Variants in SYT14 observed in about 807,000 individuals in gnomAD.
SYT14 encodes synaptotagmin-14.
A neutral mutation model predicts 74.2 loss-of-function variants in SYT14; 32 were observed. The ratio of observed to expected loss-of-function variants is 0.43; its 90% CI spans 0.33 to 0.58. SYT14 has a LOEUF of 0.58. Ranked by LOEUF, SYT14 falls within the 20% of genes least tolerant of loss-of-function variation. SYT14 has a pLI of 0.05. For missense variants in SYT14, 791 were observed against 981.8 expected (o/e 0.81, Z 2.60); for synonymous variants, 298 against 337.7 (o/e 0.88, Z 1.29).
intron 3 of SYT14, among the ~76,000 whole-genome samples, chr1:210,014,193 T>A (rs1242333921): frequency 6.6e-6 from 1 of 152,140 alleles, no homozygotes; most frequent in Non-Finnish European, 1.5e-5. Flanking sequence ...TATTCACCCT[T>A]TTTCTTTACC....
At chr1:210,131,222 C>T (rs1467406086) in intron 7 of SYT14, among the ~76,000 whole-genome samples, 1 of 152,114 alleles carries the variant, frequency 6.6e-6, no homozygotes, top group Non-Finnish European at 1.5e-5. Context: ...ACCGCTGTGA[C>T]TGTCACCTTT....
intron 7 of SYT14, among the ~76,000 whole-genome samples, chr1:210,109,179 G>T (rs1401523498): frequency 6.6e-6 from 1 of 152,078 alleles, no homozygotes; most frequent in African/African-American, 2.4e-5. Flanking sequence ...CATTTACGTG[G>T]CCAACAAACG....
At chr1:210,044,102 A>G (rs1413239360) in intron 5 of SYT14, among the ~76,000 whole-genome samples, 1 of 152,132 alleles carries the variant, frequency 6.6e-6, no homozygotes, top group East Asian at 1.9e-4. Context: ...CCTTATCTCC[A>G]CTGCTGTAAT....
chr1:210,159,003 G>A lies in SYT14; in HGVS notation c.2225-418G>A, dbSNP rs57141755. 7.1e-3 allele frequency among the ~76,000 whole-genome samples: 1,076 copies of A among 151,950 alleles called. 12 individuals are homozygous for A. The highest frequency in any genetic ancestry group is 0.022 in the African/African-American group (900 of 41,472). On this transcript the variant is annotated intron_variant, in intron 8 of 9. Coordinates refer to ENST00000637265, the Ensembl canonical transcript of SYT14. The stretch of plus-strand genomic sequence containing the variant: ...TGCATAATTAATTTGTATATATTGG[G>A]AATAATAAAAGTATTTGAAATATTA...
chr1:209,999,776 A>G (rs1199927681), intron 2 of SYT14, among the ~76,000 whole-genome samples: 1 of 152,136 alleles, frequency 6.6e-6, no homozygotes, highest in Non-Finnish European at 1.5e-5. Context: ...GGATGGGGGA[A>G]TAAGAGGTTG....
At chr1:210,097,284 A>T (rs1032366161) in intron 6 of SYT14, among the ~76,000 whole-genome samples, 1 of 152,208 alleles carries the variant, frequency 6.6e-6, no homozygotes, top group Non-Finnish European at 1.5e-5. Flanking sequence ...ATCTACATAC[A>T]TGATTAAACT....
chr1:209,938,628 C>T (rs1398885790), intron 1 of SYT14, among the ~76,000 whole-genome samples: 1 of 152,110 alleles, frequency 6.6e-6, no homozygotes, highest in Non-Finnish European at 1.5e-5. Flanking sequence ...CCCCACGGGA[C>T]GGGCTGGGAG....
chr1:209,939,062 A>T (rs1160729420), intron 1 of SYT14, among the ~76,000 whole-genome samples: 1 of 152,208 alleles, frequency 6.6e-6, no homozygotes, highest in Non-Finnish European at 1.5e-5. Context: ...AAGGTAGTTG[A>T]CACTAAAGTG....
At position 210,077,221 on chromosome 1, in the gene SYT14, A is replaced by C. The variant is rs2081518899; in HGVS notation, c.1313-17101A>C. 2.0e-5 allele frequency among the ~76,000 whole-genome samples: 3 copies of C among 152,140 alleles called. No individual in the cohort carries two copies. The South Asian group carries it at 6.2e-4, about 32-fold the overall frequency. Reference sequence around the variant, plus strand: ...GTGGGAACCAGCACTTCACATGGTGAAAGCAGGAGCAAGAGAGAGTCGGTG... The same window carrying C: ...GTGGGAACCAGCACTTCACATGGTGCAAGCAGGAGCAAGAGAGAGTCGGTG... On this transcript the variant is annotated intron_variant, in intron 5 of 9. Coordinates refer to ENST00000637265, the Ensembl canonical transcript of SYT14.
intron 7 of SYT14, among the ~76,000 whole-genome samples, chr1:210,155,342 C>T (rs2083246646): frequency 6.6e-6 from 1 of 152,092 alleles, no homozygotes; most frequent in African/African-American, 2.4e-5. Context: ...TATTTAAAGG[C>T]ACAGTTAGGA....
intron 5 of SYT14, among the ~76,000 whole-genome samples, chr1:210,073,871 C>T (rs1033013620): frequency 1.3e-5 from 2 of 151,966 alleles, no homozygotes; most frequent in Non-Finnish European, 2.9e-5. Flanking sequence ...GTTATAGTAT[C>T]AATTATGGTA....
intron 2 of SYT14, among the ~76,000 whole-genome samples, chr1:209,964,867 GTATTTAT>G (rs2079130665): frequency 1.3e-5 from 2 of 152,146 alleles, no homozygotes; most frequent in Non-Finnish European, 2.9e-5. Flanking sequence ...ATAAACCATA[GTATTTAT>G]ACAAACAGTC....
chr1:209,976,039 T>C (rs569269331), intron 2 of SYT14, among the ~76,000 whole-genome samples: 6 of 152,228 alleles, frequency 3.9e-5, no homozygotes, highest in South Asian at 2.1e-4. Context: ...TCTGTGGGAT[T>C]GGTGGTGATA....
At chr1:209,977,344 T>C (rs960762194) in intron 2 of SYT14, among the ~76,000 whole-genome samples, 8 of 152,194 alleles carry the variant, frequency 5.3e-5, no homozygotes, top group East Asian at 3.8e-4. Context: ...TGGCTGGTAC[T>C]GGTTGTTCCT....
intron 5 of SYT14, among the ~76,000 whole-genome samples, chr1:210,087,993 G>A (rs2081773564): frequency 6.6e-6 from 1 of 151,996 alleles, no homozygotes; most frequent in Non-Finnish European, 1.5e-5. Context: ...TTTATTCCTG[G>A]TATTAATACT....
exon 10 of SYT14, chr1:210,167,374 T>G (rs2083467174): frequency 6.6e-6 from 1 of 152,216 alleles, no homozygotes; most frequent in African/African-American, 2.4e-5. Flanking sequence ...GTTCCTTGAT[T>G]GTTTTGTTCT....
At chr1:209,952,793 A>C in intron 2 of SYT14, 37 bp downstream of exon 2, 6 of 1,547,506 alleles carry the variant, frequency 3.9e-6, no homozygotes, top group Non-Finnish European at 5.3e-6. Context: ...TACATACTAA[A>C]TGAATACTTC....
intron 4 of SYT14, among the ~76,000 whole-genome samples, chr1:210,019,551 G>T (rs916442071): frequency 6.6e-6 from 1 of 152,142 alleles, no homozygotes; most frequent in Non-Finnish European, 1.5e-5. Context: ...TATTGGGCAA[G>T]CACTGCCACA....
At chr1:209,955,285 G>A (rs911210540) in intron 2 of SYT14, among the ~76,000 whole-genome samples, 2 of 152,042 alleles carry the variant, frequency 1.3e-5, no homozygotes, top group Non-Finnish European at 2.9e-5. Flanking sequence ...AACTTGACAC[G>A]TTTAAAATGC....
Sources: allele counts gnomAD v4.1 joint callset (sites outside exome capture counted in the v4.1 genomes callset), GRCh38; gene constraint gnomAD v4.1.1; transcripts MANE v1.5; gene names NCBI Gene and HGNC (gene_info 2026-07-23, HGNC 2026-07-21).